The following DNAH3 variants were observed in gnomAD, a reference collection of about 807,000 sequenced individuals.
DNAH3 encodes the protein dynein axonemal heavy chain 3, also known as axonemal beta dynein heavy chain 3.
Under a neutral mutation model 432.5 loss-of-function variants are expected in DNAH3, and 332 were observed. The ratio of observed to expected loss-of-function variants is 0.77; its 90% CI spans 0.70 to 0.84. The LOEUF (loss-of-function observed/expected upper bound fraction) is 0.84. Among genes scored for constraint, DNAH3 ranks in the 40% least tolerant of loss-of-function variants. The pLI, the probability that DNAH3 is intolerant of heterozygous loss-of-function variation, is 0.00. For synonymous variants in DNAH3, 1,956 were observed against 1,900.2 expected, an observed-to-expected ratio of 1.03 and a Z score of -0.76; for missense variants, 4,861 against 5,114.0, an observed-to-expected ratio of 0.95 and a Z score of 1.51.
chr16:21,108,446 A>C (rs2091996193), intron 14 of DNAH3, among the ~76,000 whole-genome samples: 2 of 152,208 alleles, frequency 1.3e-5, no homozygotes, highest in African/African-American at 4.8e-5. Context: ...AACTTTCCAA[A>C]GAAAGTCTCC....
At chr16:21,147,170 A>G (rs1567875047) in intron 1 of DNAH3, among the ~76,000 whole-genome samples, 1 of 151,138 alleles carries the variant, frequency 6.6e-6, no homozygotes, top group Non-Finnish European at 1.5e-5. Flanking sequence ...CATCCCCAGT[A>G]CCCTACCCTC....
intron 3 of DNAH3, among the ~76,000 whole-genome samples, chr16:21,142,761 C>T (rs1036335169): frequency 4.6e-5 from 7 of 151,690 alleles, no homozygotes; most frequent in Middle Eastern, 3.2e-3. Context: ...TCAGGTGATC[C>T]TCCCACCTCA....
intron 43 of DNAH3, among the ~76,000 whole-genome samples, chr16:20,999,662 A>G (rs1444082212): frequency 1.3e-5 from 2 of 152,196 alleles, no homozygotes; most frequent in Admixed American, 6.5e-5. Flanking sequence ...TGGAGCCTCA[A>G]TGCACTGACT....
intron 49 of DNAH3, among the ~76,000 whole-genome samples, chr16:20,980,618 C>T (rs1385859083): frequency 6.6e-6 from 1 of 151,728 alleles, no homozygotes; most frequent in Non-Finnish European, 1.5e-5. Flanking sequence ...GAATTCTCGA[C>T]CTCAAGTGAT....
chr16:21,074,671 G>A (rs61286689), intron 21 of DNAH3, among the ~76,000 whole-genome samples: 10 of 152,174 alleles, frequency 6.6e-5, no homozygotes, highest in East Asian at 5.8e-4. Context: ...CCGAGATCAC[G>A]CAGTTGCACT....
chr16:20,963,659 TGGGGTAG>T lies in DNAH3; in HGVS notation c.10218_10224del (p.Tyr3407IlefsTer27). ...TCAGACAGCCATTGGGGAGCTGGAT[TGGGGTAG>T]GGGTTATCCAGTGCGATGCCTCCAG... On this transcript the variant is annotated frameshift_variant, in exon 53 of 62. Coordinates refer to ENST00000261383, the Ensembl canonical transcript of DNAH3. LOFTEE classifies it high-confidence loss of function. 6.2e-7 allele frequency: 1 copy of T among 1,613,910 alleles called. No homozygotes were observed. Among genetic ancestry groups the T allele is most frequent in the South Asian group, 1.1e-5 (1 of 91,066 alleles).
intron 1 of DNAH3, among the ~76,000 whole-genome samples, 182 bp from the exon 1 acceptor site, chr16:21,151,028 AC>A (rs2092847344): frequency 1.3e-5 from 2 of 152,216 alleles, no homozygotes; most frequent in East Asian, 1.9e-4. Context: ...TCCAGGAATA[AC>A]AGAGGCAACA....
At chr16:21,012,222 A>T (rs983189870) in intron 41 of DNAH3, among the ~76,000 whole-genome samples, 1 of 152,202 alleles carries the variant, frequency 6.6e-6, no homozygotes, top group Non-Finnish European at 1.5e-5. Context: ...CCAAAACAAG[A>T]AAAAAGGAGA....
chr16:20,979,260 GA>G (rs2085740967), intron 50 of DNAH3, 69 bp downstream of exon 50: 1 of 1,478,504 alleles, frequency 6.8e-7, no homozygotes, highest in Non-Finnish European at 9.4e-7. Flanking sequence ...TTCCGCACCT[GA>G]ACACATGCCT....
intron 29 of DNAH3, among the ~76,000 whole-genome samples, chr16:21,050,241 C>G (rs533096350): frequency 2.1e-4 from 32 of 152,282 alleles, no homozygotes; most frequent in Non-Finnish European, 4.4e-4. Flanking sequence ...GTATTTTACT[C>G]GGCATTGTAA....
intron 14 of DNAH3, among the ~76,000 whole-genome samples, chr16:21,111,244 A>C (rs1400544441): frequency 6.6e-6 from 1 of 152,218 alleles, no homozygotes; most frequent in East Asian, 1.9e-4. Flanking sequence ...AGTGATTCTA[A>C]GGAAAATGCG....
chr16:21,025,802 C>T lies in DNAH3; in HGVS notation c.5541-1101G>A, dbSNP rs575697091. 4.6e-5 allele frequency among the ~76,000 whole-genome samples: 7 copies of T among 151,240 alleles called. No individual in the cohort carries two copies. The South Asian group carries it at 8.3e-4, about 18-fold the overall frequency. On this transcript the variant is annotated intron_variant, in intron 38 of 61. Coordinates refer to ENST00000261383, the Ensembl canonical transcript of DNAH3. ...AGGCTGGAGTGCAGTAGTGTGATCTCGGCTCACTGCAACTTTTGCCTCCTG... is the reference window on the plus strand; with the variant it reads ...AGGCTGGAGTGCAGTAGTGTGATCTTGGCTCACTGCAACTTTTGCCTCCTG...
chr16:20,986,434 G>A (rs961795773), intron 47 of DNAH3, among the ~76,000 whole-genome samples: 1 of 152,056 alleles, frequency 6.6e-6, no homozygotes, highest in Admixed American at 6.6e-5. Context: ...TTGAGCCCAG[G>A]AGCTTGAGGC....
intron 50 of DNAH3, among the ~76,000 whole-genome samples, chr16:20,978,357 C>T (rs976289443): frequency 5.3e-5 from 8 of 152,064 alleles, no homozygotes; most frequent in African/African-American, 9.7e-5. Flanking sequence ...GGCAAAACCC[C>T]GTCTCTACTA....
At chr16:21,085,188 G>A (rs1366566428) in intron 19 of DNAH3, among the ~76,000 whole-genome samples, 1 of 151,450 alleles carries the variant, frequency 6.6e-6, no homozygotes, top group East Asian at 2.0e-4. Context: ...AGACCAGCCT[G>A]GGCAACATAG....
At chr16:21,083,623 C>T (rs557704483) in intron 19 of DNAH3, among the ~76,000 whole-genome samples, 209 of 152,256 alleles carry the variant, frequency 1.4e-3, no homozygotes, top group African/African-American at 4.8e-3. Context: ...CTGTAAATGA[C>T]CAGAACCCCC....
At chr16:21,158,338 G>C (rs1206770276) in intron 1 of DNAH3, 1 of 152,306 alleles carries the variant, frequency 6.6e-6, no homozygotes, top group Non-Finnish European at 1.5e-5. Flanking sequence ...GGGAAACCCT[G>C]ACACCCTTGG....
At chr16:21,058,117 A>G in exon 27 of DNAH3, 2 of 1,613,044 alleles carry the variant, frequency 1.2e-6, no homozygotes, top group Non-Finnish European at 1.7e-6. Context: ...GGCTTGGGAC[A>G]CCTCCTGGGT....
chr16:21,041,382 G>C (rs545813350), intron 32 of DNAH3, among the ~76,000 whole-genome samples: 3 of 151,968 alleles, frequency 2.0e-5, no homozygotes, highest in Admixed American at 1.3e-4. Flanking sequence ...AAAAAAAAGA[G>C]AGAGAGAAAT....
Sources: gnomAD v4.1 joint callset for allele counts (sites outside exome capture counted in the v4.1 genomes callset) on GRCh38, gnomAD v4.1.1 for gene constraint, MANE v1.5 for transcripts, NCBI Gene and HGNC (gene_info 2026-07-23, HGNC 2026-07-21) for gene names.